Variants in CSMD1 observed in about 807,000 individuals in gnomAD.
The protein encoded by CSMD1 is CUB and Sushi multiple domains 1, also known as CUB and sushi domain-containing protein 1.
CSMD1 carries 213 observed loss-of-function variants against 417.5 expected under a neutral mutation model. The observed-to-expected ratio is 0.51, with a 90% confidence interval of 0.46 to 0.57. CSMD1 has a LOEUF of 0.57. Among genes scored for constraint, CSMD1 ranks in the 20% least tolerant of loss-of-function variants. The probability of loss-of-function intolerance (pLI) is 0.00; values close to 1 mark genes in which losing one functional copy is unlikely to be tolerated. For missense variants in CSMD1, 6,923 were observed against 4,529.7 expected (o/e 1.53, Z -15.17); for synonymous variants, 2,862 against 1,736.8 (o/e 1.65, Z -16.11).
At chr8:4,356,731 G>A (rs1411769880) in intron 3 of CSMD1, among the ~76,000 whole-genome samples, 5 of 152,104 alleles carry the variant, frequency 3.3e-5, no homozygotes, top group African/African-American at 7.2e-5. Context: ...GAGGTACAGT[G>A]AGGGCACCTT....
chr8:3,085,836 G>A (rs28469112), intron 49 of CSMD1, among the ~76,000 whole-genome samples: 3,003 of 152,236 alleles, frequency 0.02, 90 homozygotes, highest in African/African-American at 0.069. Context: ...GCATGTGCCT[G>A]GCATCACCCG....
chr8:3,741,205 C>T (rs992317794), intron 6 of CSMD1, among the ~76,000 whole-genome samples: 1 of 111,910 alleles, frequency 8.9e-6, no homozygotes, highest in African/African-American at 3.4e-5. Context: ...CAGAGCAAGA[C>T]TCCGTCTTAA....
At chr8:3,510,401 G>A (rs907706586) in intron 10 of CSMD1, among the ~76,000 whole-genome samples, 2 of 151,826 alleles carry the variant, frequency 1.3e-5, no homozygotes, top group South Asian at 4.1e-4. Flanking sequence ...TGTCTTTTGA[G>A]CGCAGGCTCT....
At chr8:4,643,733 C>A (rs960298485) in intron 1 of CSMD1, among the ~76,000 whole-genome samples, 3 of 152,166 alleles carry the variant, frequency 2.0e-5, no homozygotes, top group Admixed American at 1.3e-4. Context: ...GCATTAAATT[C>A]TGCATTATCT....
intron 1 of CSMD1, among the ~76,000 whole-genome samples, chr8:4,863,708 A>G (rs1802265660): frequency 6.6e-6 from 1 of 152,094 alleles, no homozygotes; most frequent in African/African-American, 2.4e-5. Context: ...AATCAACAAT[A>G]AAAGACTTAT....
intron 2 of CSMD1, among the ~76,000 whole-genome samples, chr8:4,618,281 T>C (rs1325405712): frequency 2.4e-5 from 3 of 126,504 alleles, no homozygotes; most frequent in East Asian, 2.2e-4. Flanking sequence ...TTTTGTAATA[T>C]TGCTAAGCTC....
chr8:3,078,970 G>T (rs900191556), intron 49 of CSMD1, among the ~76,000 whole-genome samples: 1 of 152,012 alleles, frequency 6.6e-6, no homozygotes, highest in Non-Finnish European at 1.5e-5. Flanking sequence ...CTTCAAAACG[G>T]GGGGGAGCAC....
intron 6 of CSMD1, among the ~76,000 whole-genome samples, chr8:3,710,003 C>A (rs771670626): frequency 6.6e-6 from 1 of 151,836 alleles, no homozygotes; most frequent in East Asian, 1.9e-4. Flanking sequence ...TTTTGGCTCC[C>A]CCAAAAACCT....
At chr8:3,959,980 A>G (rs2688342) in intron 5 of CSMD1, among the ~76,000 whole-genome samples, 69,691 of 152,068 alleles carry the variant, frequency 0.46, 16,886 homozygotes, top group East Asian at 0.79. Context: ...AATAACAAAG[A>G]GTGTGTTAAT....
At chr8:4,884,429 C>T (rs185984376) in intron 1 of CSMD1, among the ~76,000 whole-genome samples, 1 of 151,884 alleles carries the variant, frequency 6.6e-6, no homozygotes. Flanking sequence ...TGTGCTTTTG[C>T]TTTTATCTGA....
intron 3 of CSMD1, among the ~76,000 whole-genome samples, chr8:4,243,494 T>G (rs951429830): frequency 6.6e-6 from 1 of 152,098 alleles, no homozygotes; most frequent in Admixed American, 6.5e-5. Flanking sequence ...AAACAGAAAC[T>G]TTCTAATTTT....
chr8:3,296,210 G>A (rs1445219896), intron 25 of CSMD1, among the ~76,000 whole-genome samples: 1 of 152,016 alleles, frequency 6.6e-6, no homozygotes, highest in Non-Finnish European at 1.5e-5. Context: ...CATCTTGGCA[G>A]AGGCAGATTT....
At chr8:4,223,839 G>A (rs927812244) in intron 3 of CSMD1, among the ~76,000 whole-genome samples, 6 of 152,082 alleles carry the variant, frequency 3.9e-5, no homozygotes, top group African/African-American at 1.4e-4. Context: ...TTTTTGTTGA[G>A]ACTGATAATG....
At chr8:4,737,839 G>A (rs934260107) in intron 1 of CSMD1, among the ~76,000 whole-genome samples, 2 of 152,198 alleles carry the variant, frequency 1.3e-5, no homozygotes, top group Admixed American at 1.3e-4. Context: ...GTAGGAAAGG[G>A]AGGAGGAGTC....
chr8:4,472,251 G>A (rs1049568418), intron 2 of CSMD1, among the ~76,000 whole-genome samples: 17 of 151,874 alleles, frequency 1.1e-4, no homozygotes, highest in African/African-American at 3.1e-4. Flanking sequence ...TTACACTTTT[G>A]CACAGCCTCA....
chr8:4,819,803 G>C (rs1183418988), intron 1 of CSMD1, among the ~76,000 whole-genome samples: 1 of 152,102 alleles, frequency 6.6e-6, no homozygotes, highest in African/African-American at 2.4e-5. Flanking sequence ...GGGTGGGGCT[G>C]TTTGGGTGTG....
At chr8:3,244,957 T>C (rs1048660781) in intron 26 of CSMD1, among the ~76,000 whole-genome samples, 5 of 152,162 alleles carry the variant, frequency 3.3e-5, no homozygotes, top group Non-Finnish European at 7.4e-5. Context: ...ATCCTGAAGT[T>C]ATTTTTTGGC....
chr8:3,457,966 C>T (rs1249175523), intron 12 of CSMD1, among the ~76,000 whole-genome samples: 2 of 152,168 alleles, frequency 1.3e-5, no homozygotes, highest in Non-Finnish European at 2.9e-5. Context: ...TAAAATATCA[C>T]CTAGAAGTAC....
chr8:3,538,211 C>G (rs1296684210), intron 10 of CSMD1, among the ~76,000 whole-genome samples: 1 of 152,228 alleles, frequency 6.6e-6, no homozygotes, highest in Admixed American at 6.5e-5. Flanking sequence ...CCACTAGCAC[C>G]ATCAGCTGGA....
Sources: gnomAD v4.1 joint callset for allele counts (sites outside exome capture counted in the v4.1 genomes callset) on GRCh38, gnomAD v4.1.1 for gene constraint, MANE v1.5 for transcripts, NCBI Gene and HGNC (gene_info 2026-07-23, HGNC 2026-07-21) for gene names.